The following HGS variants were observed in gnomAD, a reference collection of about 807,000 sequenced individuals.
HGS encodes the protein human growth factor-regulated tyrosine kinase substrate.
HGS carries 63 observed loss-of-function variants against 109.7 expected under a neutral mutation model. The ratio of observed to expected loss-of-function variants is 0.57; its 90% CI spans 0.47 to 0.71. The LOEUF (loss-of-function observed/expected upper bound fraction) is 0.71, where lower values mean the gene tolerates loss of function less well. Ranked by LOEUF, HGS falls within the 30% of genes least tolerant of loss-of-function variation. HGS has a pLI of 0.00. For synonymous variants in HGS, 546 were observed against 437.3 expected, an observed-to-expected ratio of 1.25 and a Z score of -3.10; for missense variants, 995 against 1,068.3, an observed-to-expected ratio of 0.93 and a Z score of 0.96.
At chr17:81,696,123 C>T (rs2037142314) in intron 15 of HGS, 124 bp downstream of exon 15, 3 of 975,748 alleles carry the variant, frequency 3.1e-6, no homozygotes, top group Non-Finnish European at 4.4e-6. Context: ...CCGTGGCTTC[C>T]TCCAGAGAGT....
At position 81,694,817 on chromosome 17, in the gene HGS, CTCG is replaced by C; in HGVS notation, c.943_945del (p.Ser315del). 5 of 1,614,274 alleles carry C rather than the reference CTCG, an allele frequency of 3.1e-6. No individual in the cohort carries two copies. Among genetic ancestry groups the C allele is most frequent in the Non-Finnish European group, 4.2e-6 (5 of 1,180,046 alleles). On this transcript the variant is annotated inframe_deletion, in exon 12 of 22. Coordinates refer to ENST00000329138, the MANE Select transcript of HGS (RefSeq NM_004712.5). ...CTCAGATGCCCTTTTCTCCCCAGAACTCGTCGGCGCCTCTGGCTGAGGACATCG... is the reference window on the plus strand; with the variant it reads ...CTCAGATGCCCTTTTCTCCCCAGAACTCGGCGCCTCTGGCTGAGGACATCG...
intron 5 of HGS, among the ~76,000 whole-genome samples, chr17:81,689,712 C>T (rs749190045): frequency 1.3e-5 from 2 of 152,274 alleles, no homozygotes; most frequent in Admixed American, 6.5e-5. Context: ...ACGCAGGGGG[C>T]GCTGCACGAG....
Position 81,696,879 on chromosome 17 carries a change from G to C in HGS, c.1763G>C (p.Ser588Thr). The C allele has an allele frequency of 6.2e-7, 1 of 1,610,620 alleles. No individual in the cohort carries two copies. The change falls in exon 18 of 22, where the codon AGC (serine) becomes ACC (threonine). Residue 588 changes from serine (S) to threonine (T), a missense_variant. Physicochemically the swap from Ser to Thr is moderately conservative, Grantham distance 58. Transcript: ENST00000329138. ...GVLYQPSGPA[S>T]FPSTFSPAGS... ...CTCTACCAGCCCTCGGGACCAGCCAGCTTCCCCAGCACCTTCAGCCCTGCC... is the reference window on the plus strand; with the variant it reads ...CTCTACCAGCCCTCGGGACCAGCCACCTTCCCCAGCACCTTCAGCCCTGCC...
Position 81,695,103 on chromosome 17 carries a change from G to A in HGS, c.1119+36G>A, listed in dbSNP as rs202027239. 9.2e-4 allele frequency: 1,491 copies of A among 1,612,748 alleles called. 1 individual carries two copies. The highest frequency in any genetic ancestry group is 1.0e-3 in the Non-Finnish European group (1,220 of 1,178,978). On this transcript the variant is annotated intron_variant, in intron 13 of 21. Coordinates refer to ENST00000329138, the MANE Select transcript of HGS (RefSeq NM_004712.5). ...CACTCCCGGCATTCCTAGTGGCAGG[G>A]TCCCTTGGAAGGGGTGGATGCGGGA...
At position 81,701,252 on chromosome 17, in the gene HGS, G is replaced by A. The variant is rs748875107; in HGVS notation, c.2223+121G>A. On this transcript the variant is annotated intron_variant, in intron 21 of 21. Coordinates refer to ENST00000329138, the MANE Select transcript of HGS (RefSeq NM_004712.5). ...CGTACGTCTGCTCACAGGGGGAGAC[G>A]CATACCCGAGGCCCCTTCTCAGCAG... is the stretch of plus-strand genomic sequence containing the variant. 26 of 920,552 alleles carry A rather than the reference G, an allele frequency of 2.8e-5. No homozygotes were observed. In the Admixed American group the frequency reaches 4.1e-4, roughly 15 times the overall value. 57.0% of individuals were successfully genotyped at this position (920,552 alleles called of 1,614,324 possible). A position where few individuals can be genotyped will look rare whatever the true frequency, so the allele number is the denominator to read the frequency against.
At chr17:81,690,310 C>G in intron 6 of HGS, 76 bp downstream of exon 6, 2 of 1,472,198 alleles carry the variant, frequency 1.4e-6, no homozygotes, top group South Asian at 2.3e-5. Flanking sequence ...GGGAGCCCGG[C>G]TTGTTTGAGG....
At chr17:81,699,084 C>G (rs886918434) in intron 18 of HGS, among the ~76,000 whole-genome samples, 4 of 151,536 alleles carry the variant, frequency 2.6e-5, no homozygotes, top group African/African-American at 9.7e-5. Context: ...AAAAAAAAAT[C>G]CATGAGTTAA....
chr17:81,701,013 A>G (rs1419891963), intron 20 of HGS, 32 bp from the exon 21 acceptor site: 15 of 1,590,808 alleles, frequency 9.4e-6, no homozygotes, highest in Non-Finnish European at 1.3e-5. Flanking sequence ...TCACAGGGCT[A>G]CTCTCTCACA....
At chr17:81,695,265 C>A (rs763836170) in intron 14 of HGS, 42 bp downstream of exon 14, 1 of 1,594,582 alleles carries the variant, frequency 6.3e-7, no homozygotes, top group Admixed American at 1.7e-5. Context: ...AAAACATGGC[C>A]TCCTGGCCCA....
At chr17:81,688,924 TG>T in intron 5 of HGS, 97 bp downstream of exon 5, 3 of 1,497,948 alleles carry the variant, frequency 2.0e-6, no homozygotes, top group Non-Finnish European at 2.8e-6. Context: ...GAAGATGGGT[TG>T]TTCCCTGTGT....
chr17:81,685,055 G>GTGGTAT, intron 1 of HGS: 3 of 985,432 alleles, frequency 3.0e-6, no homozygotes, highest in Non-Finnish European at 3.6e-6. Context: ...CAGCAGTGAT[G>GTGGTAT]TGGTATGATG....
chr17:81,699,465 G>A lies in HGS; in HGVS notation c.1883-1002G>A, dbSNP rs560055947. ...TTTTGAGACGAAGTCTCGCTCTGTC[G>A]CCCAGGCTGGAGTGCAGTGGTGCGA... On this transcript the variant is annotated intron_variant, in intron 18 of 21. Transcript: ENST00000329138. Among the ~76,000 whole-genome samples, 80 of 152,252 alleles carry A rather than the reference G, an allele frequency of 5.3e-4. 1 individual carries two copies. Among genetic ancestry groups the A allele is most frequent in the African/African-American group, 1.8e-3 (76 of 41,564 alleles).
intron 18 of HGS, 94 bp from the exon 19 acceptor site, chr17:81,700,373 A>G (rs1454736999): frequency 1.3e-5 from 17 of 1,358,792 alleles, no homozygotes; most frequent in Non-Finnish European, 1.7e-5. Flanking sequence ...ATCTCAAAAA[A>G]AAAAAAAAAA....
chr17:81,690,138 A>T, intron 5 of HGS, 44 bp from the exon 6 acceptor site: 1 of 1,592,754 alleles, frequency 6.3e-7, no homozygotes, highest in Non-Finnish European at 8.6e-7. Flanking sequence ...GAAGTCTTGC[A>T]GGCCAGGTGG....
chr17:81,700,903 G>C, intron 20 of HGS, 89 bp downstream of exon 20: 1 of 1,558,376 alleles, frequency 6.4e-7, no homozygotes, highest in African/African-American at 1.3e-5. Flanking sequence ...GCAGGCACTG[G>C]GTGGGCTCCA....
intron 6 of HGS, 77 bp from the exon 7 acceptor site, chr17:81,690,597 G>A (rs1210316704): frequency 7.0e-7 from 1 of 1,433,556 alleles, no homozygotes; most frequent in Non-Finnish European, 9.6e-7. Context: ...GTTGCCTTCT[G>A]TGGGGCAGGG....
chr17:81,700,655 G>GCCCCAA (rs2037222601), intron 19 of HGS, 40 bp from the exon 20 acceptor site: 1 of 1,013,878 alleles, frequency 9.9e-7, no homozygotes, highest in Non-Finnish European at 1.4e-6. Flanking sequence ...CCCAGCCCCA[G>GCCCCAA]CCCCAGCCCC....
At position 81,693,692 on chromosome 17, in the gene HGS, G is replaced by C; in HGVS notation, c.780G>C (p.Glu260Asp). The change falls in exon 10 of 22, where the codon GAG becomes GAC. Residue 260 changes from glutamate to aspartate, a missense_variant. By Grantham distance (45) the Glu-to-Asp change is conservative (BLOSUM62 2). Coordinates refer to ENST00000329138, the MANE Select transcript of HGS (RefSeq NM_004712.5). ...GGGACGAGACGGCCCTGCAGGAGGA[G>C]GAGGAGCTGCAGCTGGCCCTGGCGC... Reference protein sequence around the residue: ...PKRDETALQEEEELQLALALS... With the variant: ...PKRDETALQEDEELQLALALS... 2 of 1,558,096 alleles carry C rather than the reference G, an allele frequency of 1.3e-6. No homozygotes were observed. Among genetic ancestry groups the C allele is most frequent in the Non-Finnish European group, 1.7e-6 (2 of 1,150,576 alleles).
At position 81,695,803 on chromosome 17, in the gene HGS, C is replaced by T. The variant is rs751279270; in HGVS notation, c.1197C>T (p.Gly399=). The change falls in exon 15 of 22, where the codon GGC becomes GGT. Residue 399 remains glycine (G), a synonymous_variant. Transcript: ENST00000329138. ...GPFSEPQFHN[G]ESEESHEQFL... Reference sequence around the variant, plus strand: ...GCCTGCAGCCACAGTTCCACAATGGCGAGTCTGAGGAGAGCCACGAGCAGT... The same window carrying T: ...GCCTGCAGCCACAGTTCCACAATGGTGAGTCTGAGGAGAGCCACGAGCAGT... 9.3e-6 allele frequency: 15 copies of T among 1,613,452 alleles called. 1 individual carries two copies. In the South Asian group the frequency reaches 1.6e-4, roughly 18 times the overall value.
Sources: allele counts gnomAD v4.1 joint callset (sites outside exome capture counted in the v4.1 genomes callset), GRCh38; gene constraint gnomAD v4.1.1; transcripts MANE v1.5; gene names NCBI Gene and HGNC (gene_info 2026-07-23, HGNC 2026-07-21).